The following NME9 variants were observed in gnomAD, a reference collection of about 807,000 sequenced individuals.
NME9 encodes thioredoxin domain-containing protein 6.
In NME9, 48 loss-of-function variants were observed where a neutral mutation model predicts 44.4. The ratio of observed to expected loss-of-function variants is 1.08; its 90% CI spans 0.86 to 1.37. The LOEUF is 1.37. Ranked by LOEUF, NME9 falls within the 40% of genes most tolerant of loss-of-function variation. The pLI, the probability that NME9 is intolerant of heterozygous loss-of-function variation, is 0.00. For synonymous variants in NME9, 139 were observed against 147.1 expected, an observed-to-expected ratio of 0.94 and a Z score of 0.40; for missense variants, 325 against 405.2, an observed-to-expected ratio of 0.80 and a Z score of 1.70.
intron 8 of NME9, among the ~76,000 whole-genome samples, chr3:138,290,344 C>CAGG (rs1163145371): frequency 5.3e-5 from 8 of 152,090 alleles, no homozygotes; most frequent in African/African-American, 1.9e-4. Flanking sequence ...GCAGGATGAT[C>CAGG]AGGAGGCAGA....
chr3:138,313,613 G>T (rs1047921519), intron 6 of NME9, among the ~76,000 whole-genome samples: 3 of 152,128 alleles, frequency 2.0e-5, no homozygotes, highest in African/African-American at 4.8e-5. Context: ...CTGCACTCCC[G>T]TGTTTATTGC....
intron 6 of NME9, among the ~76,000 whole-genome samples, chr3:138,309,942 G>T (rs879686389): frequency 5.3e-5 from 8 of 151,562 alleles, no homozygotes; most frequent in Middle Eastern, 3.4e-3. Context: ...CAGGAGAATC[G>T]CTTGAACCCA....
At chr3:138,301,945 C>T (rs913509814) in intron 10 of NME9, among the ~76,000 whole-genome samples, 19 of 152,198 alleles carry the variant, frequency 1.2e-4, no homozygotes, top group Non-Finnish European at 2.1e-4. Flanking sequence ...TTCACAACAG[C>T]TCTATGATGA....
intron 8 of NME9, chr3:138,295,915 C>T (rs762959716): frequency 2.5e-5 from 40 of 1,611,986 alleles, no homozygotes; most frequent in Middle Eastern, 1.6e-4. Context: ...TGGGCACCTG[C>T]GAGCATCCCA....
chr3:138,319,103 G>A (rs1018900314), intron 3 of NME9, among the ~76,000 whole-genome samples: 2 of 152,186 alleles, frequency 1.3e-5, no homozygotes, highest in African/African-American at 4.8e-5. Context: ...GGGCAGCTGA[G>A]GTGGTAGGAT....
intron 8 of NME9, among the ~76,000 whole-genome samples, chr3:138,282,235 G>A (rs2050000634): frequency 6.6e-6 from 1 of 152,152 alleles, no homozygotes; most frequent in South Asian, 2.1e-4. Context: ...AGCTTGCTAA[G>A]GCTTTCTGTA....
At chr3:138,268,842 A>AT (rs1158284296) in intron 8 of NME9, among the ~76,000 whole-genome samples, 20 of 152,046 alleles carry the variant, frequency 1.3e-4, no homozygotes, top group East Asian at 3.9e-4. Context: ...CTATAAGAGC[A>AT]TTTTTTTTGT....
intron 10 of NME9, among the ~76,000 whole-genome samples, chr3:138,302,430 C>G (rs942740048): frequency 2.6e-5 from 4 of 152,200 alleles, no homozygotes; most frequent in Non-Finnish European, 4.4e-5. Context: ...CACCACCCCC[C>G]ATTCCCAAAA....
rs963390532 is a variant in NME9 at position 138,329,561 on chromosome 3, G to C, written c.-226C>G. On this transcript the variant is annotated 5_prime_UTR_variant, in exon 1 of 11. Coordinates refer to ENST00000333911, the MANE Select transcript of NME9 (RefSeq NM_001349018.2). ...AGCGGAGCCTGCAGTCCACGGGCTCGTGGCTCGCCGGGCGGTTTTCTGGGG... is the reference window on the plus strand; with the variant it reads ...AGCGGAGCCTGCAGTCCACGGGCTCCTGGCTCGCCGGGCGGTTTTCTGGGG... 5.3e-6 allele frequency: 7 copies of C among 1,319,988 alleles called. No individual in the cohort carries two copies. The highest frequency in any genetic ancestry group is 6.7e-6 in the Non-Finnish European group (7 of 1,037,484). 81.8% of individuals were successfully genotyped at this position (1,319,988 alleles called of 1,614,324 possible).
At chr3:138,265,264 C>G (rs992345074) in intron 8 of NME9, among the ~76,000 whole-genome samples, 1 of 151,814 alleles carries the variant, frequency 6.6e-6, no homozygotes, top group African/African-American at 2.4e-5. Context: ...TTGTCCCCCC[C>G]AAAAAAGGTT....
chr3:138,267,636 A>G (rs2048393272), intron 8 of NME9, among the ~76,000 whole-genome samples: 1 of 152,204 alleles, frequency 6.6e-6, no homozygotes, highest in African/African-American at 2.4e-5. Flanking sequence ...AACTGCTGTC[A>G]TTGGAAAATC....
At position 138,324,843 on chromosome 3, in the gene NME9, G is replaced by A. The variant is rs781585408; in HGVS notation, c.91+30C>T. On this transcript the variant is annotated intron_variant, in intron 2 of 10. Transcript: ENST00000333911. ...CCATTTAATAATTTAGAAAAGAATG[G>A]ATCTAAAAAGTTATTTTACTTTGAA... is the stretch of plus-strand genomic sequence containing the variant. 3.9e-6 allele frequency: 6 copies of A among 1,528,746 alleles called. No individual in the cohort carries two copies. The South Asian group carries it at 6.8e-5, about 17-fold the overall frequency. The allele number at this position is 1,528,746 out of a possible 1,614,324, so 94.7% of individuals were successfully genotyped here. A position where few individuals can be genotyped will look rare whatever the true frequency, so the allele number is the denominator to read the frequency against.
intron 2 of NME9, among the ~76,000 whole-genome samples, chr3:138,322,095 ACAGTT>A (rs1433110503): frequency 6.6e-5 from 10 of 152,152 alleles, no homozygotes; most frequent in Admixed American, 2.0e-4. Context: ...TCAACCTACT[ACAGTT>A]ATTTGGGTGA....
chr3:138,294,177 A>G (rs1368492076), intron 8 of NME9, among the ~76,000 whole-genome samples: 4 of 152,228 alleles, frequency 2.6e-5, no homozygotes, highest in Non-Finnish European at 4.4e-5. Flanking sequence ...TCAGTTAAGT[A>G]CAGTAAGGTC....
chr3:138,280,156 G>A (rs1373273735), intron 8 of NME9, among the ~76,000 whole-genome samples: 2 of 151,946 alleles, frequency 1.3e-5, no homozygotes, highest in African/African-American at 2.4e-5. Context: ...TGCCCACCTC[G>A]GCCTCCCAAA....
intron 6 of NME9, among the ~76,000 whole-genome samples, chr3:138,308,531 GGTT>G (rs2052446036): frequency 6.6e-6 from 1 of 152,188 alleles, no homozygotes; most frequent in Non-Finnish European, 1.5e-5. Flanking sequence ...ACAGGAAAGA[GGTT>G]GTAGGGCTCT....
chr3:138,279,192 C>T (rs1454335060), intron 8 of NME9, among the ~76,000 whole-genome samples: 1 of 152,020 alleles, frequency 6.6e-6, no homozygotes. Context: ...AAATTATCTT[C>T]TAGTTTGTTG....
chr3:138,318,259 G>A lies in NME9; in HGVS notation c.196-40C>T. ...TATCAGCAGGTACCCTGGATGCAGG[G>A]GGTGCAGGGCCCAATTGATTGGTGG... On this transcript the variant is annotated intron_variant, in intron 3 of 10. Coordinates refer to ENST00000333911, the MANE Select transcript of NME9 (RefSeq NM_001349018.2). 3 of 1,343,984 alleles carry A rather than the reference G, an allele frequency of 2.2e-6. No homozygotes were observed. In the South Asian group the frequency reaches 3.5e-5, roughly 16 times the overall value. The allele number at this position is 1,343,984 out of a possible 1,614,324, so 83.3% of individuals were successfully genotyped here.
chr3:138,272,456 G>C (rs1041039422), intron 8 of NME9, among the ~76,000 whole-genome samples: 3 of 151,694 alleles, frequency 2.0e-5, no homozygotes, highest in African/African-American at 7.3e-5. Flanking sequence ...TCCTCATGTA[G>C]AAGTATATCT....
Sources: gnomAD v4.1 joint callset for allele counts (sites outside exome capture counted in the v4.1 genomes callset) on GRCh38, gnomAD v4.1.1 for gene constraint, MANE v1.5 for transcripts, NCBI Gene and HGNC (gene_info 2026-07-23, HGNC 2026-07-21) for gene names.